TTC28: variants seen among roughly 807,000 people sequenced by gnomAD.
TTC28 encodes the protein tetratricopeptide repeat domain 28, also known as tetratricopeptide repeat protein 28.
In TTC28, 61 loss-of-function variants were observed where a neutral mutation model predicts 198.0. The ratio of observed to expected loss-of-function variants is 0.31; its 90% CI spans 0.25 to 0.38. The LOEUF (loss-of-function observed/expected upper bound fraction) is 0.38, where lower values mean the gene tolerates loss of function less well. TTC28 is among the 10% of genes least tolerant of loss of function. The pLI is 1.00. For missense variants in TTC28, 2,678 were observed against 3,164.0 expected, an observed-to-expected ratio of 0.85 and a Z score of 3.69; for synonymous variants, 1,171 against 1,297.8, an observed-to-expected ratio of 0.90 and a Z score of 2.10.
intron 3 of TTC28, among the ~76,000 whole-genome samples, chr22:28,304,578 A>AT (rs1274806661): frequency 6.6e-6 from 1 of 152,202 alleles, no homozygotes; most frequent in Non-Finnish European, 1.5e-5. Flanking sequence ...GGTCACTTAC[A>AT]TAAGATGGGA....
chr22:28,559,607 T>C (rs1411680699), intron 2 of TTC28, among the ~76,000 whole-genome samples: 3 of 152,230 alleles, frequency 2.0e-5, no homozygotes, highest in Admixed American at 6.5e-5. Context: ...TGCCTCTCTG[T>C]AGTCCATCAT....
At chr22:28,555,777 C>T (rs2049776243) in intron 2 of TTC28, among the ~76,000 whole-genome samples, 1 of 152,086 alleles carries the variant, frequency 6.6e-6, no homozygotes, top group African/African-American at 2.4e-5. Flanking sequence ...TCTCAGAAAT[C>T]GCCACTAAAG....
Position 28,532,229 on chromosome 22 carries a change from C to T in TTC28, c.381+97323G>A, listed in dbSNP as rs371286925. ...ATAAAAAATGATAAAGGGGATACCA[C>T]CACCGATCCCACGGAAATACAAACT... On this transcript the variant is annotated intron_variant, in intron 2 of 22. Transcript: ENST00000397906. 4.1e-4 allele frequency among the ~76,000 whole-genome samples: 63 copies of T among 152,232 alleles called. No homozygotes were observed. In the East Asian group the frequency reaches 0.01, roughly 25 times the overall value.
intron 2 of TTC28, among the ~76,000 whole-genome samples, chr22:28,438,751 C>A (rs543975197): frequency 6.6e-6 from 1 of 152,226 alleles, no homozygotes; most frequent in South Asian, 2.1e-4. Flanking sequence ...ATCATTTCTG[C>A]AAATATAAGA....
intron 2 of TTC28, among the ~76,000 whole-genome samples, chr22:28,476,499 A>G (rs1168034477): frequency 6.6e-6 from 1 of 152,218 alleles, no homozygotes; most frequent in Admixed American, 6.5e-5. Context: ...TTATAAAGTT[A>G]AAAGTTCAAC....
intron 5 of TTC28, among the ~76,000 whole-genome samples, chr22:28,240,350 T>C (rs2147250501): frequency 6.6e-6 from 1 of 152,298 alleles, no homozygotes; most frequent in East Asian, 1.9e-4. Context: ...CTAGAAAGAA[T>C]TCTGCTGTGG....
intron 2 of TTC28, among the ~76,000 whole-genome samples, chr22:28,438,834 A>C (rs1373730607): frequency 1.3e-5 from 2 of 152,220 alleles, no homozygotes; most frequent in Non-Finnish European, 2.9e-5. Context: ...CAGGCCAATA[A>C]GGTTATATGA....
At chr22:27,995,600 C>A (rs941021267) in intron 17 of TTC28, among the ~76,000 whole-genome samples, 26 of 152,160 alleles carry the variant, frequency 1.7e-4, no homozygotes, top group African/African-American at 6.0e-4. Flanking sequence ...GACTCAGGGG[C>A]AGACTGGTAT....
chr22:28,398,119 C>T (rs2046845316), intron 2 of TTC28, among the ~76,000 whole-genome samples: 2 of 152,196 alleles, frequency 1.3e-5, no homozygotes, highest in South Asian at 2.1e-4. Flanking sequence ...CCTGGTCAGG[C>T]TAGAACACTG....
intron 1 of TTC28, among the ~76,000 whole-genome samples, chr22:28,641,530 T>A (rs927212615): frequency 3.3e-5 from 5 of 152,180 alleles, no homozygotes; most frequent in African/African-American, 1.2e-4. Flanking sequence ...GAGGATTGAC[T>A]CTTAATGGCA....
At chr22:28,497,294 A>G (rs575929762) in intron 2 of TTC28, among the ~76,000 whole-genome samples, 1 of 152,360 alleles carries the variant, frequency 6.6e-6, no homozygotes, top group East Asian at 1.9e-4. Context: ...AAAGGTATAT[A>G]GAAAACTAAA....
intron 5 of TTC28, among the ~76,000 whole-genome samples, chr22:28,173,947 T>C (rs1193990674): frequency 1.3e-5 from 2 of 152,220 alleles, no homozygotes; most frequent in Non-Finnish European, 2.9e-5. Context: ...ATTGATTCAC[T>C]ACATGTCATT....
In TTC28 at chr22:28,457,264, T is replaced by C. The variant is rs116959492; in HGVS notation, c.382-150621A>G. Among the ~76,000 whole-genome samples the C allele has an allele frequency of 8.9e-4, 135 of 152,296 alleles. 2 individuals carry two copies. In the East Asian group the frequency reaches 0.024, roughly 27 times the overall value. ...AACAGTATGTATTACACTAACCTAA[T>C]ATATCTCAGCTATGACCATGAACTG... On this transcript the variant is annotated intron_variant, in intron 2 of 22. Transcript: ENST00000397906.
At chr22:28,383,170 TTTCTC>T (rs1265718232) in intron 2 of TTC28, among the ~76,000 whole-genome samples, 2 of 152,238 alleles carry the variant, frequency 1.3e-5, no homozygotes, top group Non-Finnish European at 2.9e-5. Flanking sequence ...CTGGCCATTA[TTTCTC>T]AGTTTCCTTT....
intron 2 of TTC28, among the ~76,000 whole-genome samples, chr22:28,552,903 C>CA (rs1003290605): frequency 1.3e-5 from 2 of 152,098 alleles, no homozygotes; most frequent in African/African-American, 4.8e-5. Context: ...TCCCCTGCCT[C>CA]AGCCTGTCGA....
Position 27,993,477 on chromosome 22 carries a change from A to G in TTC28, c.5286T>C (p.Asn1762=), listed in dbSNP as rs755628276. 38 of 1,550,518 alleles carry G rather than the reference A, an allele frequency of 2.5e-5. No individual in the cohort carries two copies. The highest frequency in any genetic ancestry group is 3.0e-5 in the Non-Finnish European group (34 of 1,146,396). ...CACTCTGCTGGGATGTGTACATGGC[A>G]TTGCGCTGCCCATTCTGGATGCGCT... is the stretch of plus-strand genomic sequence containing the variant. ...SLQRIQNGQR[N]AMYTSQQSVE... is the part of the protein sequence containing the mutation. Residue 1762 remains asparagine (N), a synonymous_variant, in exon 18 of 23, where the codon AAT becomes AAC. Transcript: ENST00000397906.
Position 27,982,930 on chromosome 22 carries a change from CTCACCTT to C in TTC28, c.6730_6736del (p.Lys2244ValfsTer43). ...GGTGGTGGGGCTGCTATATCCGGAACTCACCTTGGGCAGGGAGGAGCTCCTGGCTGGG... is the reference window on the plus strand; with the variant it reads ...GGTGGTGGGGCTGCTATATCCGGAACGGGCAGGGAGGAGCTCCTGGCTGGG... On this transcript the variant is annotated frameshift_variant, in exon 23 of 23. Transcript: ENST00000397906. LOFTEE classifies it high-confidence loss of function. This position sits in a 1 kb window ranked among gnomAD's most constrained non-coding sequence, Gnocchi z 5.2. The C allele has an allele frequency of 6.4e-7, 1 of 1,551,668 alleles. No homozygotes were observed. The highest frequency in any genetic ancestry group is 8.7e-7 in the Non-Finnish European group (1 of 1,146,998).
intron 2 of TTC28, among the ~76,000 whole-genome samples, chr22:28,552,530 C>G (rs1414767322): frequency 1.3e-5 from 2 of 152,094 alleles, no homozygotes; most frequent in Non-Finnish European, 2.9e-5. Flanking sequence ...TAAAAATAGG[C>G]ACATAGACCA....
At chr22:28,651,414 A>G (rs950612121) in intron 1 of TTC28, among the ~76,000 whole-genome samples, 5 of 151,360 alleles carry the variant, frequency 3.3e-5, no homozygotes, top group Non-Finnish European at 7.4e-5. Flanking sequence ...TGATCTTCCC[A>G]CCTCAGTCTC....
Sources: allele counts gnomAD v4.1 joint callset (sites outside exome capture counted in the v4.1 genomes callset), GRCh38; gene constraint gnomAD v4.1.1; non-coding constraint Gnocchi (gnomAD v3.1); transcripts MANE v1.5; gene names NCBI Gene and HGNC (gene_info 2026-07-23, HGNC 2026-07-21).